GPBP1L1: variants seen among roughly 807,000 people sequenced by gnomAD.
GPBP1L1 encodes vasculin-like protein 1.
A neutral mutation model predicts 52.5 loss-of-function variants in GPBP1L1; 23 were observed. The ratio of observed to expected loss-of-function variants is 0.44; its 90% CI spans 0.32 to 0.62. The LOEUF is 0.62. Among genes scored for constraint, GPBP1L1 ranks in the 20% least tolerant of loss-of-function variants. The pLI is 0.06. For synonymous variants in GPBP1L1, 243 were observed against 203.1 expected (o/e 1.20, Z -1.67); for missense variants, 596 against 579.3 (o/e 1.03, Z -0.30).
rs1644656422 is a variant in GPBP1L1 at position 45,640,394 on chromosome 1, G to A, written c.560C>T (p.Pro187Leu). The change falls in exon 8 of 13, where the codon CCT (proline) becomes CTT (leucine). Residue 187 changes from proline (P) to leucine (L), a missense_variant. Physicochemically the swap from Pro to Leu is moderately conservative, Grantham distance 98 (BLOSUM62 -3). Coordinates refer to ENST00000355105, the MANE Select transcript of GPBP1L1 (RefSeq NM_021639.5). The part of the protein sequence containing the change: ...GTPSGVWENP[P>L]SAKQPSKMLV... Reference sequence around the variant, plus strand: ...CATCTTGGAGGGTTGCTTGGCACTAGGCGGGTTTTCTGTGAAGTACAAGAG... The same window carrying A: ...CATCTTGGAGGGTTGCTTGGCACTAAGCGGGTTTTCTGTGAAGTACAAGAG... 6.2e-7 allele frequency: 1 copy of A among 1,613,516 alleles called. No homozygotes were observed. Among genetic ancestry groups the A allele is most frequent in the Non-Finnish European group, 8.5e-7 (1 of 1,179,894 alleles).
At chr1:45,628,564 A>G (rs4391704) in intron 12 of GPBP1L1, among the ~76,000 whole-genome samples, 156 bp from the exon 13 acceptor site, 84,983 of 152,116 alleles carry the variant, frequency 0.56, 23,921 homozygotes, top group African/African-American at 0.62. Flanking sequence ...TTATACCAGT[A>G]CTTTTCAAAT....
chr1:45,645,173 G>A (rs947276836), intron 6 of GPBP1L1, among the ~76,000 whole-genome samples: 3 of 152,092 alleles, frequency 2.0e-5, no homozygotes, highest in Non-Finnish European at 4.4e-5. Context: ...TTTTAAGTAT[G>A]CTGTCTGGAT....
At chr1:45,639,333 G>C (rs1318752894) in intron 8 of GPBP1L1, among the ~76,000 whole-genome samples, 1 of 152,142 alleles carries the variant, frequency 6.6e-6, no homozygotes, top group Non-Finnish European at 1.5e-5. Context: ...GAATAACAGG[G>C]ACTTTGTAAT....
chr1:45,661,853 A>G (rs747462350), intron 2 of GPBP1L1, among the ~76,000 whole-genome samples: 1 of 152,190 alleles, frequency 6.6e-6, no homozygotes, highest in Non-Finnish European at 1.5e-5. Flanking sequence ...GCAAAATAAT[A>G]GGTCTTTCAG....
At chr1:45,652,337 C>T (rs913342370) in intron 6 of GPBP1L1, among the ~76,000 whole-genome samples, 1 of 152,152 alleles carries the variant, frequency 6.6e-6, no homozygotes, top group African/African-American at 2.4e-5. Context: ...AAAAAATGCA[C>T]AAATTGATAA....
intron 6 of GPBP1L1, among the ~76,000 whole-genome samples, chr1:45,653,827 T>A (rs1189143306): frequency 6.6e-6 from 1 of 151,510 alleles, no homozygotes; most frequent in East Asian, 1.9e-4. Context: ...GCCTCCTGAG[T>A]AGCTGGAATT....
chr1:45,676,138 C>T (rs994545534), intron 2 of GPBP1L1, among the ~76,000 whole-genome samples: 11 of 152,084 alleles, frequency 7.2e-5, no homozygotes, highest in Non-Finnish European at 1.3e-4. Context: ...CAGAAAAGAG[C>T]CCAAAGCCAT....
At chr1:45,633,417 TAAG>T (rs1391306925) in intron 10 of GPBP1L1, 69 bp downstream of exon 10, 45 of 1,514,684 alleles carry the variant, frequency 3.0e-5, no homozygotes, top group South Asian at 7.0e-5. Flanking sequence ...CTTTATCCTT[TAAG>T]AAGAAGAAAT....
intron 4 of GPBP1L1, 150 bp downstream of exon 4, chr1:45,658,878 G>A: frequency 1.6e-6 from 1 of 614,862 alleles, no homozygotes; most frequent in Non-Finnish European, 2.9e-6. Flanking sequence ...GGAGGCCAAA[G>A]CTGCAGTAAG....
At position 45,630,537 on chromosome 1, in the gene GPBP1L1, G is replaced by A. The variant is rs751013042; in HGVS notation, c.1114C>T (p.Leu372Phe). ...ACCTCCCCTTCTTCCACTACAGGGA[G>A]GGCAAGACCATTTTGATGACAGCCT... ...EEGCHQNGLA[L>F]PVVEEGEVLS... is the part of the protein sequence containing the mutation. The change falls in exon 11 of 13, where the codon CTC becomes TTC. Residue 372 changes from leucine (L) to phenylalanine (F), a missense_variant. Physicochemically the swap from Leu to Phe is conservative, Grantham distance 22. Coordinates refer to ENST00000355105, the MANE Select transcript of GPBP1L1 (RefSeq NM_021639.5). 2.6e-5 allele frequency: 42 copies of A among 1,613,946 alleles called. No homozygotes were observed. Among genetic ancestry groups the A allele is most frequent in the Admixed American group, 1.8e-4 (11 of 60,012 alleles).
At chr1:45,672,585 G>C (rs1317147355) in intron 2 of GPBP1L1, among the ~76,000 whole-genome samples, 1 of 152,172 alleles carries the variant, frequency 6.6e-6, no homozygotes, top group African/African-American at 2.4e-5. Flanking sequence ...GAGATGTTAA[G>C]TAGATAGCTG....
chr1:45,663,072 A>AAAAAAAAAAAAAAC (rs1644966234), intron 2 of GPBP1L1, among the ~76,000 whole-genome samples: 1 of 151,104 alleles, frequency 6.6e-6, no homozygotes, highest in Admixed American at 6.6e-5. Flanking sequence ...AAAGCAAAAA[A>AAAAAAAAAAAAAAC]CCCCAAAATT....
rs1404186849 is a variant in GPBP1L1, at chr1:45,628,176, G to C, written c.*80C>G. ...TGAAGTATTCAACAACATAAGAAAA[G>C]GAAAAGAACGATTTCTTTTGTATAC... On this transcript the variant is annotated 3_prime_UTR_variant, in exon 13 of 13. Transcript: ENST00000355105. 3 of 1,322,698 alleles carry C rather than the reference G, an allele frequency of 2.3e-6. No homozygotes were observed. The highest frequency in any genetic ancestry group is 3.2e-6 in the Non-Finnish European group (3 of 941,960). The allele number at this position is 1,322,698 out of a possible 1,614,324, so 81.9% of individuals were successfully genotyped here.
In GPBP1L1 at chr1:45,660,626, A is replaced by C; in HGVS notation, c.-498T>G. The C allele has an allele frequency of 7.9e-6, 7 of 880,934 alleles. No homozygotes were observed. Among genetic ancestry groups the C allele is most frequent in the African/African-American group, 1.8e-5 (1 of 55,396 alleles). 54.6% of individuals were successfully genotyped at this position (880,934 alleles called of 1,614,324 possible). On this transcript the variant is annotated 5_prime_UTR_variant, in exon 3 of 13. Transcript: ENST00000355105. ...GACAGATGGGCTCAAGTGTGGACAA[A>C]TAATGTCATCAAGGTAATAGATCAA...
chr1:45,648,693 C>T (rs976664174), intron 6 of GPBP1L1, among the ~76,000 whole-genome samples: 7 of 152,140 alleles, frequency 4.6e-5, no homozygotes, highest in East Asian at 1.9e-4. Context: ...TTGTTGGTTC[C>T]TCAACTCTAC....
chr1:45,656,569 A>C (rs1644887123), intron 4 of GPBP1L1, among the ~76,000 whole-genome samples: 2 of 152,150 alleles, frequency 1.3e-5, no homozygotes, highest in South Asian at 4.1e-4. Context: ...CCCCATGTAG[A>C]TAGAAGCTAG....
At chr1:45,667,806 G>A (rs1050879357) in intron 2 of GPBP1L1, among the ~76,000 whole-genome samples, 2 of 152,158 alleles carry the variant, frequency 1.3e-5, no homozygotes, top group Non-Finnish European at 2.9e-5. Context: ...GGAGTACAAT[G>A]GCTCAATCTT....
At chr1:45,667,816 T>C (rs1645028229) in intron 2 of GPBP1L1, among the ~76,000 whole-genome samples, 1 of 152,172 alleles carries the variant, frequency 6.6e-6, no homozygotes, top group Non-Finnish European at 1.5e-5. Context: ...GGCTCAATCT[T>C]GGCTCACTGC....
chr1:45,673,982 T>A (rs1008053892), intron 2 of GPBP1L1, among the ~76,000 whole-genome samples: 8 of 152,246 alleles, frequency 5.3e-5, no homozygotes, highest in Non-Finnish European at 1.0e-4. Context: ...AGAGGCTAAA[T>A]CACGAGAATC....
Sources: gnomAD v4.1 joint callset for allele counts (sites outside exome capture counted in the v4.1 genomes callset) on GRCh38, gnomAD v4.1.1 for gene constraint, MANE v1.5 for transcripts, NCBI Gene and HGNC (gene_info 2026-07-23, HGNC 2026-07-21) for gene names.